Variants in SLIT3 observed in about 807,000 individuals in gnomAD.
The protein encoded by SLIT3 is slit guidance ligand 3.
In SLIT3, 68 loss-of-function variants were observed where a neutral mutation model predicts 184.0. That is an observed-to-expected ratio of 0.37 (90% CI 0.30 to 0.45). SLIT3 has a LOEUF of 0.45. SLIT3 is among the 20% of genes least tolerant of loss of function. The pLI is 1.00. For synonymous variants in SLIT3, 831 were observed against 828.6 expected (o/e 1.00, Z -0.05); for missense variants, 1,707 against 2,026.0 (o/e 0.84, Z 3.02).
chr5:169,109,009 C>T (rs1760317787), intron 4 of SLIT3, among the ~76,000 whole-genome samples: 1 of 152,128 alleles, frequency 6.6e-6, no homozygotes, highest in African/African-American at 2.4e-5. Context: ...TGTGATGCCC[C>T]CCACTTGAGT....
chr5:169,132,467 C>A (rs560875781), intron 4 of SLIT3, among the ~76,000 whole-genome samples: 2 of 152,080 alleles, frequency 1.3e-5, no homozygotes, highest in African/African-American at 4.8e-5. Context: ...ACATGGTCCA[C>A]GTGCCACCAA....
intron 4 of SLIT3, among the ~76,000 whole-genome samples, chr5:168,905,075 G>T (rs1432526444): frequency 6.6e-6 from 1 of 152,116 alleles, no homozygotes; most frequent in Non-Finnish European, 1.5e-5. Flanking sequence ...TACTTGGGAG[G>T]CTGAGACAGG....
intron 20 of SLIT3, among the ~76,000 whole-genome samples, chr5:168,725,454 T>C (rs1358006592): frequency 6.6e-6 from 1 of 152,232 alleles, no homozygotes; most frequent in African/African-American, 2.4e-5. Context: ...CTGAAGAACA[T>C]TTAAGATGGC....
intron 4 of SLIT3, among the ~76,000 whole-genome samples, chr5:169,077,069 CCT>C (rs1446594974): frequency 3.9e-5 from 6 of 152,116 alleles, no homozygotes; most frequent in Non-Finnish European, 8.8e-5. Context: ...CTTCTGTCCC[CCT>C]GAGACAGCAA....
At chr5:169,198,248 C>T (rs905509774) in intron 3 of SLIT3, among the ~76,000 whole-genome samples, 1 of 152,204 alleles carries the variant, frequency 6.6e-6, no homozygotes. Flanking sequence ...TTCTTGAAAG[C>T]GAAGGTGTCG....
At chr5:168,690,073 T>C (rs1364165223) in intron 29 of SLIT3, among the ~76,000 whole-genome samples, 3 of 151,948 alleles carry the variant, frequency 2.0e-5, no homozygotes, top group African/African-American at 7.3e-5. Context: ...AACCTGGCAG[T>C]GTTAGCTCTC....
At chr5:169,129,821 GTTT>G (rs556491428) in intron 4 of SLIT3, among the ~76,000 whole-genome samples, 7 of 149,592 alleles carry the variant, frequency 4.7e-5, no homozygotes, top group African/African-American at 1.5e-4. Flanking sequence ...TTCTTTGGTG[GTTT>G]TTTTTGTTTG....
chr5:169,200,714 C>A (rs1278585079), intron 3 of SLIT3, among the ~76,000 whole-genome samples: 2 of 152,228 alleles, frequency 1.3e-5, no homozygotes, highest in Non-Finnish European at 1.5e-5. Flanking sequence ...TGATCTGGGG[C>A]TGTTCCCACT....
chr5:169,101,313 C>A (rs756733076), intron 4 of SLIT3, among the ~76,000 whole-genome samples: 1 of 152,178 alleles, frequency 6.6e-6, no homozygotes. Flanking sequence ...CAGGACAGGA[C>A]GTGGGTAAAG....
At chr5:169,181,886 T>C (rs574574894) in intron 4 of SLIT3, among the ~76,000 whole-genome samples, 76 of 152,338 alleles carry the variant, frequency 5.0e-4, no homozygotes, top group South Asian at 4.1e-3. Context: ...CCAGTTTTCT[T>C]CTTTAGACAG....
rs539755690 is a variant in SLIT3, at chr5:168,884,429, A to T, written c.414-1093T>A. Among the ~76,000 whole-genome samples the T allele has an allele frequency of 3.2e-3, 480 of 147,748 alleles. 3 individuals are homozygous for T. Among genetic ancestry groups the T allele is most frequent in the Non-Finnish European group, 5.0e-3 (335 of 66,820 alleles). ...AAAGGTGTCTCTCTCTCTCTCTCTC[A>T]CACACACACACACACAGTGCTATAC... On this transcript the variant is annotated intron_variant, in intron 4 of 35. Transcript: ENST00000519560.
intron 4 of SLIT3, among the ~76,000 whole-genome samples, chr5:169,178,281 C>A (rs560566641): frequency 6.6e-6 from 1 of 152,314 alleles, no homozygotes; most frequent in East Asian, 1.9e-4. Flanking sequence ...TACCTTTGGG[C>A]TGTGCCCACA....
intron 10 of SLIT3, chr5:168,791,800 C>A (rs568372153): frequency 6.6e-6 from 1 of 152,264 alleles, no homozygotes; most frequent in African/African-American, 2.4e-5. Flanking sequence ...CTACATTCAC[C>A]GTGTTGTATA....
In SLIT3 at chr5:169,166,092, G is replaced by C. The variant is rs192095413; in HGVS notation, c.413+27387C>G. ...ACAGTAAAGATCAAAGCCAGGATTT[G>C]ACTCCAGAAACCAAGCACTACATTC... On this transcript the variant is annotated intron_variant, in intron 4 of 35. Coordinates refer to ENST00000519560, the MANE Select transcript of SLIT3 (RefSeq NM_003062.4). 1.9e-3 allele frequency among the ~76,000 whole-genome samples: 291 copies of C among 152,266 alleles called. 1 individual carries two copies. The highest frequency in any genetic ancestry group is 0.01 in the Middle Eastern group (3 of 294).
intron 28 of SLIT3, among the ~76,000 whole-genome samples, chr5:168,693,379 T>C (rs1370509426): frequency 2.0e-5 from 3 of 152,208 alleles, no homozygotes; most frequent in Non-Finnish European, 2.9e-5. Flanking sequence ...AGTTCTGGTC[T>C]CTAGACACAT....
chr5:169,090,979 G>A (rs1034644316), intron 4 of SLIT3, among the ~76,000 whole-genome samples: 2 of 152,166 alleles, frequency 1.3e-5, no homozygotes, highest in African/African-American at 4.8e-5. Context: ...CTTCTGTCCC[G>A]TGCCCATTGT....
intron 9 of SLIT3, among the ~76,000 whole-genome samples, chr5:168,796,118 C>T (rs1056714422): frequency 1.3e-5 from 2 of 152,206 alleles, no homozygotes; most frequent in African/African-American, 4.8e-5. Context: ...CGTCTTTAGG[C>T]TCCCAGCCTG....
chr5:169,041,113 G>C (rs891072664), intron 4 of SLIT3, among the ~76,000 whole-genome samples: 33 of 152,188 alleles, frequency 2.2e-4, no homozygotes, highest in African/African-American at 8.0e-4. Flanking sequence ...GGTTTCAGAA[G>C]TACAATATCA....
At chr5:169,034,939 G>GTGTT (rs1554092356) in intron 4 of SLIT3, among the ~76,000 whole-genome samples, 2,260 of 150,974 alleles carry the variant, frequency 0.015, 72 homozygotes, top group African/African-American at 0.051. Context: ...GTGTGTGTGT[G>GTGTT]TGTGTGTGTG....
Sources: gnomAD v4.1 joint callset for allele counts (sites outside exome capture counted in the v4.1 genomes callset) on GRCh38, gnomAD v4.1.1 for gene constraint, MANE v1.5 for transcripts, NCBI Gene and HGNC (gene_info 2026-07-23, HGNC 2026-07-21) for gene names.